Variants in XIRP2 observed in about 807,000 individuals in gnomAD.
XIRP2 encodes the protein xin actin binding repeat containing 2.
Under a neutral mutation model 277.0 loss-of-function variants are expected in XIRP2, and 236 were observed. That is an observed-to-expected ratio of 0.85 (90% CI 0.77 to 0.95). XIRP2 has a LOEUF of 0.95. Among genes scored for constraint, XIRP2 ranks in the 40% least tolerant of loss-of-function variants. The pLI is 0.00. For missense variants in XIRP2, 4,640 were observed against 4,157.5 expected (o/e 1.12, Z -3.19); for synonymous variants, 1,490 against 1,416.5 (o/e 1.05, Z -1.17).
intron 3 of XIRP2, among the ~76,000 whole-genome samples, chr2:167,137,354 A>G (rs761730369): frequency 7.9e-5 from 12 of 152,242 alleles, no homozygotes; most frequent in Non-Finnish European, 1.5e-4. Flanking sequence ...TTTACTCCAC[A>G]TATTTCTGGC....
Position 167,231,317 on chromosome 2 carries a change from C to A in XIRP2, c.859-8538C>A, listed in dbSNP as rs559334730. ...AGTATAACAGCAACTCTTTATGATA[C>A]CCTTAACAGGAAAACTGCACTGTCT... is the stretch of plus-strand genomic sequence containing the variant. On this transcript the variant is annotated intron_variant, in intron 5 of 10. Coordinates refer to ENST00000409195, the MANE Select transcript of XIRP2 (RefSeq NM_152381.6). Among the ~76,000 whole-genome samples, 10 of 152,048 alleles carry A rather than the reference C, an allele frequency of 6.6e-5. No homozygotes were observed. The South Asian group carries it at 1.0e-3, about 16-fold the overall frequency.
In XIRP2 at chr2:167,251,766, T is replaced by C; in HGVS notation, c.10374T>C (p.Tyr3458=). 6.2e-7 allele frequency: 1 copy of C among 1,613,332 alleles called. No homozygotes were observed. The change falls in exon 9 of 11, where the codon TAT becomes TAC. Residue 3458 remains tyrosine, a synonymous_variant. Coordinates refer to ENST00000409195, the MANE Select transcript of XIRP2 (RefSeq NM_152381.6). ...GCDFKHAPPT[Y]EDVIAGHILD... ...ACTTCAAGCATGCCCCACCAACCTA[T>C]GAGGATGTCATTGCTGGACATATTT...
intron 3 of XIRP2, among the ~76,000 whole-genome samples, chr2:167,174,929 T>G (rs1692796387): frequency 6.6e-6 from 1 of 152,196 alleles, no homozygotes; most frequent in Non-Finnish European, 1.5e-5. Context: ...TCTAATTTAA[T>G]TGCACTGTGG....
chr2:166,911,598 A>G (rs1455703752), intron 2 of XIRP2, among the ~76,000 whole-genome samples: 1 of 152,166 alleles, frequency 6.6e-6, no homozygotes, highest in Non-Finnish European at 1.5e-5. Flanking sequence ...TGGAGCATTT[A>G]GCCCATTTCA....
At chr2:166,999,965 G>T (rs897106470) in intron 2 of XIRP2, among the ~76,000 whole-genome samples, 17 of 152,010 alleles carry the variant, frequency 1.1e-4, no homozygotes, top group African/African-American at 3.4e-4. Flanking sequence ...AGGTAAAAAA[G>T]ATTTTACCTT....
chr2:167,218,007 A>G (rs764587621), intron 4 of XIRP2, among the ~76,000 whole-genome samples, 159 bp from the exon 5 acceptor site: 13 of 152,348 alleles, frequency 8.5e-5, no homozygotes, highest in Non-Finnish European at 1.6e-4. Flanking sequence ...GAATATATTT[A>G]TTAAGGTTTT....
intron 3 of XIRP2, among the ~76,000 whole-genome samples, chr2:167,185,085 C>T (rs991079637): frequency 6.6e-6 from 1 of 152,066 alleles, no homozygotes; most frequent in Admixed American, 6.6e-5. Context: ...GTGTCTAAAA[C>T]CACTGTAATA....
At chr2:167,009,592 G>T (rs1172335682) in intron 2 of XIRP2, among the ~76,000 whole-genome samples, 2 of 151,978 alleles carry the variant, frequency 1.3e-5, no homozygotes, top group East Asian at 3.9e-4. Context: ...TAATGGGATG[G>T]CTGGGTCAAA....
At chr2:167,165,052 C>T (rs577739670) in intron 3 of XIRP2, among the ~76,000 whole-genome samples, 5 of 152,234 alleles carry the variant, frequency 3.3e-5, no homozygotes, top group Admixed American at 1.3e-4. Flanking sequence ...TTATTGTCTC[C>T]GTAGCTTTGC....
At chr2:167,213,531 C>T (rs1694119798) in intron 4 of XIRP2, among the ~76,000 whole-genome samples, 1 of 151,906 alleles carries the variant, frequency 6.6e-6, no homozygotes, top group Non-Finnish European at 1.5e-5. Context: ...ATCAGCACAC[C>T]CATTAGATTC....
intron 2 of XIRP2, among the ~76,000 whole-genome samples, chr2:167,027,778 C>A (rs1300629103): frequency 6.6e-6 from 1 of 151,946 alleles, no homozygotes; most frequent in Non-Finnish European, 1.5e-5. Flanking sequence ...CCACTCCAGA[C>A]CCTATAAACA....
chr2:166,937,180 G>C (rs113396066), intron 2 of XIRP2, among the ~76,000 whole-genome samples: 118 of 152,278 alleles, frequency 7.7e-4, no homozygotes, highest in Non-Finnish European at 9.0e-4. Flanking sequence ...GTTTCAAAGG[G>C]AATGCTTCCA....
At chr2:167,063,300 T>C (rs945679645) in intron 2 of XIRP2, among the ~76,000 whole-genome samples, 4 of 152,018 alleles carry the variant, frequency 2.6e-5, no homozygotes, top group African/African-American at 9.7e-5. Context: ...TTTATAGTTA[T>C]TGAGACTTGT....
chr2:166,941,798 G>A (rs1380025292), intron 2 of XIRP2, among the ~76,000 whole-genome samples: 2 of 152,164 alleles, frequency 1.3e-5, no homozygotes, highest in South Asian at 2.1e-4. Context: ...TTGAAAATGT[G>A]TTAAATTACT....
At chr2:167,016,563 A>T (rs1291286590) in intron 2 of XIRP2, among the ~76,000 whole-genome samples, 2 of 151,986 alleles carry the variant, frequency 1.3e-5, no homozygotes, top group Non-Finnish European at 2.9e-5. Context: ...AACACAAAAG[A>T]TTGACTTATT....
Position 167,246,797 on chromosome 2 carries a change from C to G in XIRP2, c.5405C>G (p.Thr1802Ser). ...AAAAGGCAGTCTCTGGTTGAACGTA[C>G]TGTTAGTGAAACTGACATCATCCCT... ...LKKRQSLVER[T>S]VSETDIIPGD... Residue 1802 changes from threonine to serine, a missense_variant, in exon 9 of 11, where the codon ACT (threonine) becomes AGT (serine). Physicochemically the swap from Thr to Ser is moderately conservative, Grantham distance 58. Coordinates refer to ENST00000409195, the MANE Select transcript of XIRP2 (RefSeq NM_152381.6). 6.2e-7 allele frequency: 1 copy of G among 1,613,856 alleles called. No homozygotes were observed. The highest frequency in any genetic ancestry group is 8.5e-7 in the Non-Finnish European group (1 of 1,179,828).
At chr2:167,088,544 T>C (rs1390381005) in intron 2 of XIRP2, among the ~76,000 whole-genome samples, 1 of 152,136 alleles carries the variant, frequency 6.6e-6, no homozygotes. Context: ...AAGCCCCAGA[T>C]TTGAAACCTC....
At chr2:167,060,876 T>C (rs1574215620) in intron 2 of XIRP2, among the ~76,000 whole-genome samples, 1 of 152,306 alleles carries the variant, frequency 6.6e-6, no homozygotes, top group East Asian at 1.9e-4. Flanking sequence ...TTTCATATAT[T>C]TGTTAGAATT....
chr2:167,240,068 T>C, intron 6 of XIRP2, 103 bp downstream of exon 6: 1 of 913,308 alleles, frequency 1.1e-6, no homozygotes, highest in Non-Finnish European at 1.6e-6. Flanking sequence ...ATGTATCTAG[T>C]ATCAATACCT....
Sources: gnomAD v4.1 joint callset for allele counts (sites outside exome capture counted in the v4.1 genomes callset) on GRCh38, gnomAD v4.1.1 for gene constraint, MANE v1.5 for transcripts, NCBI Gene and HGNC (gene_info 2026-07-23, HGNC 2026-07-21) for gene names.